CRISPLD1: variants seen among roughly 807,000 people sequenced by gnomAD.
CRISPLD1 encodes cysteine-rich secretory protein LCCL domain-containing 1.
Under a neutral mutation model 77.5 loss-of-function variants are expected in CRISPLD1, and 60 were observed. The ratio of observed to expected loss-of-function variants is 0.77; its 90% CI spans 0.63 to 0.96. The LOEUF is 0.96. Among genes scored for constraint, CRISPLD1 ranks in the 40% least tolerant of loss-of-function variants. The probability of loss-of-function intolerance (pLI) is 0.00; values close to 1 mark genes in which losing one functional copy is unlikely to be tolerated. For synonymous variants in CRISPLD1, 195 were observed against 200.1 expected, an observed-to-expected ratio of 0.97 and a Z score of 0.22; for missense variants, 623 against 615.8, an observed-to-expected ratio of 1.01 and a Z score of -0.12.
At chr8:75,000,556 C>CAAAGGATTAT in intron 2 of CRISPLD1, 2 of 351,020 alleles carry the variant, frequency 5.7e-6, no homozygotes, top group Non-Finnish European at 8.0e-6. Flanking sequence ...ATTGCCCTCC[C>CAAAGGATTAT]TGTTTTCTTT....
intron 13 of CRISPLD1, chr8:75,026,955 T>C (rs1813245712): frequency 6.6e-6 from 1 of 152,196 alleles, no homozygotes; most frequent in African/African-American, 2.4e-5. Context: ...TACAGTATTT[T>C]TGCAAATTTT....
Position 74,984,913 on chromosome 8 carries a change from C to T in CRISPLD1, c.-70C>T, listed in dbSNP as rs780834033. On this transcript the variant is annotated 5_prime_UTR_variant, in exon 1 of 15. Coordinates refer to ENST00000262207, the MANE Select transcript of CRISPLD1 (RefSeq NM_031461.6). ...CTCACCTCTCCCAGGAAACTTCACACTGGAGAGGTAAGGGCGATTCTAAAA... is the reference window on the plus strand; with the variant it reads ...CTCACCTCTCCCAGGAAACTTCACATTGGAGAGGTAAGGGCGATTCTAAAA... 6.6e-6 allele frequency: 1 copy of T among 152,084 alleles called. No homozygotes were observed. The highest frequency in any genetic ancestry group is 2.4e-5 in the African/African-American group (1 of 41,384). 9.4% of individuals were successfully genotyped at this position (152,084 alleles called of 1,614,324 possible).
chr8:74,991,630 A>T (rs1432999438), intron 2 of CRISPLD1, among the ~76,000 whole-genome samples: 1 of 152,178 alleles, frequency 6.6e-6, no homozygotes, highest in Non-Finnish European at 1.5e-5. Flanking sequence ...TCCCAGGCTC[A>T]AGAGATTCTT....
At position 75,032,182 on chromosome 8, in the gene CRISPLD1, T is replaced by C. The variant is rs1186883187; in HGVS notation, c.1452-9T>C. ...CAATATACTTTTCATATATTTTTTT[T>C]TTTTGCAGTTTACAGAATCCTCCAG... On this transcript the variant is annotated splice_polypyrimidine_tract_variant and intron_variant, in intron 14 of 14. Coordinates refer to ENST00000262207, the MANE Select transcript of CRISPLD1 (RefSeq NM_031461.6). 9 of 1,593,964 alleles carry C rather than the reference T, an allele frequency of 5.6e-6. No homozygotes were observed. The highest frequency in any genetic ancestry group is 7.7e-6 in the Non-Finnish European group (9 of 1,166,608).
chr8:75,031,738 G>A (rs1482288323), intron 14 of CRISPLD1, among the ~76,000 whole-genome samples: 1 of 151,952 alleles, frequency 6.6e-6, no homozygotes, highest in Non-Finnish European at 1.5e-5. Context: ...GTCAGACTTG[G>A]GCAATGATAA....
rs781544939 is a variant in CRISPLD1, at chr8:75,014,795, C to T, written c.627-17C>T. 1.7e-5 allele frequency: 26 copies of T among 1,544,224 alleles called. No individual in the cohort carries two copies. The East Asian group carries it at 3.7e-4, about 22-fold the overall frequency. On this transcript the variant is annotated splice_polypyrimidine_tract_variant and intron_variant, in intron 5 of 14. Coordinates refer to ENST00000262207, the MANE Select transcript of CRISPLD1 (RefSeq NM_031461.6). Reference sequence around the variant, plus strand: ...GCCATTAGACTACTTTTTAATAGAGCGTATCATCTCTTAAAGGGGAAACTG... The same window carrying T: ...GCCATTAGACTACTTTTTAATAGAGTGTATCATCTCTTAAAGGGGAAACTG...
chr8:74,993,970 C>G (rs1382332820), intron 2 of CRISPLD1, among the ~76,000 whole-genome samples: 1 of 152,176 alleles, frequency 6.6e-6, no homozygotes, highest in Non-Finnish European at 1.5e-5. Flanking sequence ...ACAGATTTAA[C>G]TGGGGAAGGA....
intron 2 of CRISPLD1, among the ~76,000 whole-genome samples, chr8:74,988,250 A>T (rs990848602): frequency 7.2e-5 from 11 of 152,244 alleles, no homozygotes; most frequent in Non-Finnish European, 1.3e-4. Context: ...AATCCAATTT[A>T]TTCAAATCGT....
intron 2 of CRISPLD1, among the ~76,000 whole-genome samples, chr8:75,003,365 T>A (rs1265598644): frequency 6.6e-6 from 1 of 152,236 alleles, no homozygotes; most frequent in Non-Finnish European, 1.5e-5. Flanking sequence ...GATCTTTTTT[T>A]ATTTCATTTT....
At chr8:75,029,806 A>G (rs995239134) in intron 14 of CRISPLD1, among the ~76,000 whole-genome samples, 1 of 152,158 alleles carries the variant, frequency 6.6e-6, no homozygotes, top group Non-Finnish European at 1.5e-5. Context: ...ACTTTCTTTC[A>G]TCCTCTTTTG....
intron 2 of CRISPLD1, among the ~76,000 whole-genome samples, chr8:75,006,551 C>G (rs1386092381): frequency 1.1e-4 from 17 of 152,064 alleles, no homozygotes; most frequent in Non-Finnish European, 2.5e-4. Flanking sequence ...AAAAATCTTG[C>G]AATCCTATTT....
intron 2 of CRISPLD1, among the ~76,000 whole-genome samples, chr8:74,987,382 A>C (rs1427256309): frequency 6.6e-6 from 1 of 152,102 alleles, no homozygotes; most frequent in Non-Finnish European, 1.5e-5. Context: ...GCGCTTGCTA[A>C]TTTCTCTCTA....
chr8:74,992,240 T>G (rs181599879), intron 2 of CRISPLD1, among the ~76,000 whole-genome samples: 77 of 152,256 alleles, frequency 5.1e-4, no homozygotes, highest in African/African-American at 1.7e-3. Flanking sequence ...ACCAGAGATA[T>G]CGATGTGGGA....
chr8:75,028,454 A>G (rs777905103), intron 13 of CRISPLD1, among the ~76,000 whole-genome samples: 1 of 152,180 alleles, frequency 6.6e-6, no homozygotes, highest in Non-Finnish European at 1.5e-5. Flanking sequence ...TTTGACATGG[A>G]TTGCTTTATA....
At chr8:75,029,250 C>T in intron 13 of CRISPLD1, 137 bp from the exon 14 acceptor site, 1 of 878,436 alleles carries the variant, frequency 1.1e-6, no homozygotes, top group Non-Finnish European at 1.7e-6. Flanking sequence ...ATGCACAAAA[C>T]CTCATCCTGT....
At chr8:75,008,240 C>T (rs1368364916) in intron 2 of CRISPLD1, among the ~76,000 whole-genome samples, 1 of 151,986 alleles carries the variant, frequency 6.6e-6, no homozygotes, top group Non-Finnish European at 1.5e-5. Flanking sequence ...AATGGGTACC[C>T]AAGTACTCAT....
At position 75,013,048 on chromosome 8, in the gene CRISPLD1, A is replaced by G. The variant is rs371136231; in HGVS notation, c.510+26A>G. 12 of 1,480,362 alleles carry G rather than the reference A, an allele frequency of 8.1e-6. No individual in the cohort carries two copies. The African/African-American group carries it at 1.5e-4, about 19-fold the overall frequency. 91.7% of individuals were successfully genotyped at this position (1,480,362 alleles called of 1,614,324 possible). The stretch of plus-strand genomic sequence containing the variant: ...GTATGTTTGGGGGGTATTATACTTA[A>G]TTCCCCCAAATTGAGTTAATGTAAC... On this transcript the variant is annotated intron_variant, in intron 4 of 14. Transcript: ENST00000262207.
At chr8:75,023,409 C>G (rs547000546) in intron 12 of CRISPLD1, among the ~76,000 whole-genome samples, 3 of 152,068 alleles carry the variant, frequency 2.0e-5, no homozygotes, top group Non-Finnish European at 2.9e-5. Flanking sequence ...TGCAGAAACC[C>G]CAAACAGCAT....
intron 10 of CRISPLD1, among the ~76,000 whole-genome samples, chr8:75,017,771 A>G (rs1813061044): frequency 6.6e-6 from 1 of 152,162 alleles, no homozygotes; most frequent in Non-Finnish European, 1.5e-5. Flanking sequence ...AGGGTAAGTA[A>G]TTTGCATATT....
Sources: allele counts gnomAD v4.1 joint callset (sites outside exome capture counted in the v4.1 genomes callset), GRCh38; gene constraint gnomAD v4.1.1; transcripts MANE v1.5; gene names NCBI Gene and HGNC (gene_info 2026-07-23, HGNC 2026-07-21).